Variants in PTPRS observed in about 807,000 individuals in gnomAD.
PTPRS encodes the protein protein tyrosine phosphatase receptor type S.
Under a neutral mutation model 215.3 loss-of-function variants are expected in PTPRS, and 63 were observed. That is an observed-to-expected ratio of 0.29 (90% confidence interval 0.24 to 0.36). PTPRS has a LOEUF of 0.36. Among genes scored for constraint, PTPRS ranks in the 10% least tolerant of loss-of-function variants. The probability of loss-of-function intolerance (pLI) is 1.00; values close to 1 mark genes in which losing one functional copy is unlikely to be tolerated. For synonymous variants in PTPRS, 1,404 were observed against 1,191.4 expected (o/e 1.18, Z -3.68); for missense variants, 2,258 against 2,825.8 (o/e 0.80, Z 4.56).
Position 5,244,624 on chromosome 19 carries a change from C to T in PTPRS, c.989-142G>A. 4.5e-6 allele frequency: 3 copies of T among 667,580 alleles called. No individual in the cohort carries two copies. Among genetic ancestry groups the T allele is most frequent in the South Asian group, 1.9e-5 (1 of 51,388 alleles). 41.4% of individuals were successfully genotyped at this position (667,580 alleles called of 1,614,324 possible). A position where few individuals can be genotyped will look rare whatever the true frequency, so the allele number is the denominator to read the frequency against. ...TCATGGGCCTCATGACTCCTGTCAT[C>T]GTCTACAGCAAGGGGTAACAAACTA... On this transcript the variant is annotated intron_variant, in intron 10 of 37. Coordinates refer to ENST00000262963, the MANE Select transcript of PTPRS (RefSeq NM_002850.4). This position sits in a 1 kb window ranked among gnomAD's most constrained non-coding sequence, Gnocchi z 7.2.
Position 5,222,722 on chromosome 19 carries a change from G to C in PTPRS, c.3070C>G (p.Pro1024Ala), listed in dbSNP as rs202163446. The C allele has an allele frequency of 2.6e-5, 41 of 1,595,558 alleles. No individual in the cohort carries two copies. In the East Asian group the frequency reaches 5.2e-4, roughly 20 times the overall value. Residue 1024 changes from proline (P) to alanine (A), a missense_variant, in exon 18 of 38, where the codon CCC (proline) becomes GCC (alanine). Transcript: ENST00000262963. The part of the protein sequence containing the change: ...TRRGPGPFSP[P>A]VRYRTFLRDQ... ...CGCAGGAACGTCCGGTAGCGGACGG[G>C]GGGGCTGAAGGGGCCAGGGCCCCGG...
chr19:5,313,256 C>T (rs1003316965), intron 1 of PTPRS, among the ~76,000 whole-genome samples: 4 of 152,130 alleles, frequency 2.6e-5, no homozygotes, highest in African/African-American at 9.7e-5. Context: ...TGACAGCCTA[C>T]GCCTGATCCC....
Position 5,338,392 on chromosome 19 carries a change from G to A in PTPRS, c.-95+2272C>T, listed in dbSNP as rs1294701539. On this transcript the variant is annotated intron_variant, in intron 1 of 37. Coordinates refer to ENST00000262963, the MANE Select transcript of PTPRS (RefSeq NM_002850.4). The surrounding 1 kb of genome is among the most constrained non-coding windows in gnomAD (Gnocchi z 4.2). ...ATGCAGAAGTGCACCGTCATGATGA[G>A]GGTGTCCCCCGGGCCTGGGGAACAG... Among the ~76,000 whole-genome samples, 1 of 152,070 alleles carries A rather than the reference G, an allele frequency of 6.6e-6. No homozygotes were observed. The highest frequency in any genetic ancestry group is 2.4e-5 in the African/African-American group (1 of 41,402).
chr19:5,333,826 C>A (rs985362581), intron 1 of PTPRS, among the ~76,000 whole-genome samples: 1 of 152,202 alleles, frequency 6.6e-6, no homozygotes, highest in East Asian at 1.9e-4. Context: ...AGGTTTCCAG[C>A]AATCCTGATG....
In PTPRS at chr19:5,212,018, G is replaced by A. The variant is rs754672517; in HGVS notation, c.5002C>T (p.Leu1668=). 3.1e-6 allele frequency: 5 copies of A among 1,613,654 alleles called. No homozygotes were observed. In the South Asian group the frequency reaches 5.5e-5, roughly 18 times the overall value. Residue 1668 remains leucine (L), a synonymous_variant, in exon 32 of 38, where the codon CTG becomes TTG. Transcript: ENST00000262963. The part of the protein sequence containing the change: ...ARSLYAYIQK[L]AQVEPGEHVT... ...TGTTCGCCAGGCTCCACCTGGGCCA[G>A]CTTCTGGATGTAGGCATAGAGGCTG...
intron 1 of PTPRS, among the ~76,000 whole-genome samples, chr19:5,335,688 C>G (rs1006057011): frequency 1.3e-5 from 2 of 152,138 alleles, no homozygotes; most frequent in Non-Finnish European, 2.9e-5. Flanking sequence ...AATCTGTCCC[C>G]ATGAAACGGG....
Position 5,213,212 on chromosome 19 carries a change from C to T in PTPRS, c.4615-721G>A, listed in dbSNP as rs372015201. On this transcript the variant is annotated intron_variant, in intron 30 of 37. Coordinates refer to ENST00000262963, the MANE Select transcript of PTPRS (RefSeq NM_002850.4). ...CCCTCTTTGCCGCAGACCTTGGCTC[C>T]CACCCAAGCCCCCCAGTCTGTCCTC... 5.9e-5 allele frequency among the ~76,000 whole-genome samples: 9 copies of T among 152,208 alleles called. No homozygotes were observed. In the East Asian group the frequency reaches 1.3e-3, roughly 23 times the overall value.
At chr19:5,217,357 C>G (rs1271853110) in intron 25 of PTPRS, among the ~76,000 whole-genome samples, 1 of 152,178 alleles carries the variant, frequency 6.6e-6, no homozygotes, top group African/African-American at 2.4e-5. Context: ...TTAAAATTCT[C>G]ATTTGGCTGA....
chr19:5,233,493 T>A (rs1218044137), intron 13 of PTPRS, among the ~76,000 whole-genome samples: 1 of 150,964 alleles, frequency 6.6e-6, no homozygotes, highest in African/African-American at 2.4e-5. Flanking sequence ...ACCTACTATG[T>A]GCCAGCACCA....
chr19:5,212,509 G>A lies in PTPRS; in HGVS notation c.4615-18C>T. The A allele has an allele frequency of 6.4e-7, 1 of 1,569,532 alleles. No homozygotes were observed. The highest frequency in any genetic ancestry group is 8.7e-7 in the Non-Finnish European group (1 of 1,154,532). On this transcript the variant is annotated intron_variant, in intron 30 of 37. Coordinates refer to ENST00000262963, the MANE Select transcript of PTPRS (RefSeq NM_002850.4). ...GAGCCATTCTGGGGACCACAAGGAT[G>A]TCACCTGTCACTCCGGCTCAACCTG...
rs1219800799 is a variant in PTPRS at position 5,229,674 on chromosome 19, C to G, written c.2166G>C (p.Ala722=). The change falls in exon 15 of 38, where the codon GCG becomes GCC. Residue 722 remains alanine, a synonymous_variant. Transcript: ENST00000262963. Reference sequence around the variant, plus strand: ...CCTCCGCCTCCACCTTCCGCGGCGGCGCGCTGGGCACTGGCGGGCGGGAGG... The same window carrying G: ...CCTCCGCCTCCACCTTCCGCGGCGGGGCGCTGGGCACTGGCGGGCGGGAGG... ...VVRTDEDVPS[A]PPRKVEAEAL... is the part of the protein sequence containing the mutation. 3 of 1,239,930 alleles carry G rather than the reference C, an allele frequency of 2.4e-6. No individual in the cohort carries two copies. Among genetic ancestry groups the G allele is most frequent in the Non-Finnish European group, 3.0e-6 (3 of 988,980 alleles). 76.8% of individuals were successfully genotyped at this position (1,239,930 alleles called of 1,614,324 possible). A position where few individuals can be genotyped will look rare whatever the true frequency, so the allele number is the denominator to read the frequency against.
intron 11 of PTPRS, among the ~76,000 whole-genome samples, chr19:5,242,857 G>C (rs938241380): frequency 1.8e-4 from 27 of 152,084 alleles, no homozygotes; most frequent in African/African-American, 5.6e-4. Flanking sequence ...ATCACGCCTA[G>C]CTAATTTTTA....
rs1006794573 is a variant in PTPRS at position 5,338,130 on chromosome 19, A to G, written c.-95+2534T>C. Among the ~76,000 whole-genome samples the G allele has an allele frequency of 6.6e-6, 1 of 152,078 alleles. No individual in the cohort carries two copies. Among genetic ancestry groups the G allele is most frequent in the African/African-American group, 2.4e-5 (1 of 41,426 alleles). ...CGGGGAGTGGGGAGCGGGCCAGTCC[A>G]CCGCCTCTTGGGACGGCATCTCTGG... On this transcript the variant is annotated intron_variant, in intron 1 of 37. Coordinates refer to ENST00000262963, the MANE Select transcript of PTPRS (RefSeq NM_002850.4). This position sits in a 1 kb window ranked among gnomAD's most constrained non-coding sequence, Gnocchi z 4.2.
At chr19:5,212,579 C>G in intron 30 of PTPRS, 88 bp from the exon 31 acceptor site, 1 of 1,461,622 alleles carries the variant, frequency 6.8e-7, no homozygotes, top group South Asian at 1.3e-5. Context: ...TGTGGTGGCT[C>G]ATGCCTGTTA....
chr19:5,269,456 C>T (rs2046715829), intron 4 of PTPRS, among the ~76,000 whole-genome samples: 1 of 152,046 alleles, frequency 6.6e-6, no homozygotes. Context: ...GTGGCCCTGG[C>T]AGTCCAGATG....
At chr19:5,313,536 G>A (rs953292669) in intron 1 of PTPRS, among the ~76,000 whole-genome samples, 4 of 152,178 alleles carry the variant, frequency 2.6e-5, no homozygotes, top group Admixed American at 6.5e-5. Flanking sequence ...AGGCCTGGCC[G>A]GGGCCGACGG....
At chr19:5,224,456 A>C (rs1440163771) in intron 17 of PTPRS, among the ~76,000 whole-genome samples, 4 of 152,154 alleles carry the variant, frequency 2.6e-5, no homozygotes, top group African/African-American at 9.7e-5. Flanking sequence ...TACCCATGGG[A>C]CATAAAGAAA....
chr19:5,261,521 T>C (rs532439637), intron 6 of PTPRS, among the ~76,000 whole-genome samples: 1 of 152,322 alleles, frequency 6.6e-6, no homozygotes, highest in South Asian at 2.1e-4. Context: ...CCTCTGCTCA[T>C]GATCCAGGGA....
rs10527451 is a variant in PTPRS, at chr19:5,272,595, C to CA, written c.379+846dup. Among the ~76,000 whole-genome samples, 15 of 73,432 alleles carry CA rather than the reference C, an allele frequency of 2.0e-4. 1 individual carries two copies. The highest frequency in any genetic ancestry group is 4.9e-4 in the East Asian group (1 of 2,052). The allele number at this position is 73,432 out of a possible 152,430, so 48.2% of individuals were successfully genotyped here. A position where few individuals can be genotyped will look rare whatever the true frequency, so the allele number is the denominator to read the frequency against. On this transcript the variant is annotated intron_variant, in intron 4 of 37. Transcript: ENST00000262963. ...CCAGCGCAACAAAGCAAGACTGTCTCAAAAAAAAAAAAAAAAAAAAAAAAA... is the reference window on the plus strand; with the variant it reads ...CCAGCGCAACAAAGCAAGACTGTCTCAAAAAAAAAAAAAAAAAAAAAAAAAA...
Sources: gnomAD v4.1 joint callset for allele counts (sites outside exome capture counted in the v4.1 genomes callset) on GRCh38, gnomAD v4.1.1 for gene constraint, Gnocchi (gnomAD v3.1) non-coding constraint, MANE v1.5 for transcripts, NCBI Gene and HGNC (gene_info 2026-07-23, HGNC 2026-07-21) for gene names.